Variants in DAB1 observed in about 807,000 individuals in gnomAD.
DAB1 encodes the protein DAB adaptor protein 1, also known as disabled homolog 1.
Under a neutral mutation model 64.6 loss-of-function variants are expected in DAB1, and 15 were observed. That is an observed-to-expected ratio of 0.23 (90% CI 0.16 to 0.36). DAB1 has a LOEUF of 0.36. Among genes scored for constraint, DAB1 ranks in the 10% least tolerant of loss-of-function variants. DAB1 has a pLI of 1.00. For synonymous variants in DAB1, 235 were observed against 251.9 expected, an observed-to-expected ratio of 0.93 and a Z score of 0.64; for missense variants, 596 against 706.7, an observed-to-expected ratio of 0.84 and a Z score of 1.78.
chr1:57,083,519 A>G (rs1394814953), intron 4 of DAB1, among the ~76,000 whole-genome samples: 3 of 152,236 alleles, frequency 2.0e-5, no homozygotes, highest in Admixed American at 2.0e-4. Flanking sequence ...ATGTTTTGCC[A>G]CAAGTCACTG....
rs941420687 is a variant in DAB1 at position 56,995,859 on chromosome 1, C to T, written c.*2285G>A. On this transcript the variant is annotated 3_prime_UTR_variant, in exon 15 of 15. Coordinates refer to ENST00000371236, the MANE Select transcript of DAB1 (RefSeq NM_001365792.1). ...GGTCATTCCACCTTTCCCATCTTCC[C>T]GTTCATGTGAAAGGGTTACCTAATC... The T allele has an allele frequency of 2.0e-5, 3 of 152,176 alleles. No individual in the cohort carries two copies. Among genetic ancestry groups the T allele is most frequent in the Non-Finnish European group, 4.4e-5 (3 of 68,030 alleles). 9.4% of individuals were successfully genotyped at this position (152,176 alleles called of 1,614,324 possible). A position where few individuals can be genotyped will look rare whatever the true frequency, so the allele number is the denominator to read the frequency against.
At chr1:58,018,238 T>A (rs942219779) in intron 5 of DAB1, among the ~76,000 whole-genome samples, 4 of 152,072 alleles carry the variant, frequency 2.6e-5, no homozygotes, top group Non-Finnish European at 4.4e-5. Flanking sequence ...TTCCCTACTA[T>A]CTCCTTCTTC....
chr1:57,777,359 G>A (rs191853720), intron 6 of DAB1, among the ~76,000 whole-genome samples: 184 of 146,994 alleles, frequency 1.3e-3, no homozygotes, highest in African/African-American at 4.4e-3. Flanking sequence ...GTCAAATTTG[G>A]AATGTTGTCA....
At chr1:58,138,111 T>A (rs1243496370) in intron 5 of DAB1, among the ~76,000 whole-genome samples, 3 of 152,236 alleles carry the variant, frequency 2.0e-5, no homozygotes. Context: ...CACTCACAAG[T>A]ATTTGTTGAG....
At chr1:58,450,554 A>C (rs11207231) in intron 3 of DAB1, among the ~76,000 whole-genome samples, 2,473 of 152,264 alleles carry the variant, frequency 0.016, 70 homozygotes, top group African/African-American at 0.056. Flanking sequence ...GGTGATCGAG[A>C]CCATCCTGGC....
intron 6 of DAB1, among the ~76,000 whole-genome samples, chr1:57,747,782 C>T (rs1457199966): frequency 7.9e-6 from 1 of 126,156 alleles, no homozygotes; most frequent in African/African-American, 3.2e-5. Context: ...GCACTCCAGC[C>T]TGGGCGACAG....
At chr1:57,011,064 T>C in intron 13 of DAB1, 81 bp downstream of exon 13, 1 of 1,552,238 alleles carries the variant, frequency 6.4e-7, no homozygotes, top group African/African-American at 1.4e-5. Flanking sequence ...CTATGTAGGC[T>C]TCCTCATGCA....
At chr1:57,457,431 C>G (rs1368375138) in intron 7 of DAB1, among the ~76,000 whole-genome samples, 1 of 152,058 alleles carries the variant, frequency 6.6e-6, no homozygotes, top group East Asian at 1.9e-4. Context: ...CAAACAGAAT[C>G]AATGTGGGGA....
intron 3 of DAB1, among the ~76,000 whole-genome samples, chr1:58,351,832 G>A (rs907116688): frequency 2.0e-5 from 3 of 147,300 alleles, no homozygotes; most frequent in African/African-American, 7.6e-5. Flanking sequence ...GGAGGCAGCT[G>A]TTGAGACCCT....
chr1:58,225,879 G>A (rs1339438029), intron 4 of DAB1, among the ~76,000 whole-genome samples: 1 of 150,456 alleles, frequency 6.6e-6, no homozygotes, highest in Admixed American at 6.7e-5. Flanking sequence ...GTTAATGGGT[G>A]CAGCACACCA....
intron 5 of DAB1, among the ~76,000 whole-genome samples, chr1:57,938,467 TAGTG>T (rs1395686666): frequency 1.3e-5 from 2 of 152,126 alleles, no homozygotes; most frequent in African/African-American, 4.8e-5. Flanking sequence ...GTTCTCGTGA[TAGTG>T]AGTGAGTTCT....
chr1:58,000,251 G>A (rs1342226537), intron 5 of DAB1, among the ~76,000 whole-genome samples: 2 of 152,190 alleles, frequency 1.3e-5, no homozygotes, highest in African/African-American at 2.4e-5. Flanking sequence ...GATGTGAAAT[G>A]TACTTACAAA....
rs560550337 is a variant in DAB1, at chr1:57,286,266, A to C, written c.67+4698T>G. Among the ~76,000 whole-genome samples the C allele has an allele frequency of 2.4e-4, 37 of 152,240 alleles. 1 individual carries two copies. In the South Asian group the frequency reaches 7.5e-3, roughly 31 times the overall value. On this transcript the variant is annotated intron_variant, in intron 2 of 14. Coordinates refer to ENST00000371236, the MANE Select transcript of DAB1 (RefSeq NM_001365792.1). Reference sequence around the variant, plus strand: ...AGGAACTCTAAAGGGCCTTTATGCCACTCTTTCTCACAATAGATGACCCAA... The same window carrying C: ...AGGAACTCTAAAGGGCCTTTATGCCCCTCTTTCTCACAATAGATGACCCAA...
At chr1:58,354,171 G>C (rs1261364978) in intron 3 of DAB1, among the ~76,000 whole-genome samples, 1 of 152,132 alleles carries the variant, frequency 6.6e-6, no homozygotes, top group Non-Finnish European at 1.5e-5. Flanking sequence ...TAAACTGATG[G>C]AGGGGTGCAG....
intron 7 of DAB1, among the ~76,000 whole-genome samples, chr1:57,540,122 T>G (rs1401994336): frequency 1.2e-4 from 18 of 152,210 alleles, no homozygotes. Context: ...AAAATTGTGG[T>G]ATTACTTCCA....
chr1:57,180,611 G>A (rs1662813891), intron 2 of DAB1, among the ~76,000 whole-genome samples: 1 of 151,954 alleles, frequency 6.6e-6, no homozygotes, highest in Non-Finnish European at 1.5e-5. Flanking sequence ...AGATAACAAT[G>A]ACAAAATATG....
intron 2 of DAB1, among the ~76,000 whole-genome samples, chr1:57,188,090 G>A (rs1196383103): frequency 6.6e-6 from 1 of 152,208 alleles, no homozygotes; most frequent in African/African-American, 2.4e-5. Flanking sequence ...GTGAGTTAAT[G>A]TGGCAGGCAT....
chr1:58,261,702 A>G (rs12089100), intron 4 of DAB1, among the ~76,000 whole-genome samples: 18,155 of 151,686 alleles, frequency 0.12, 1,899 homozygotes, highest in African/African-American at 0.28. Context: ...TTTGAGATCA[A>G]TTTGTTTTTT....
In DAB1 at chr1:57,389,140, G is replaced by A. The variant is rs567054073; in HGVS notation, c.-137+34790C>T. Among the ~76,000 whole-genome samples, 4 of 152,236 alleles carry A rather than the reference G, an allele frequency of 2.6e-5. 1 individual carries two copies. In the South Asian group the frequency reaches 8.3e-4, roughly 32 times the overall value. On this transcript the variant is annotated intron_variant, in intron 1 of 14. Transcript: ENST00000371236. ...AACACAGCCTCTATTTACCATTCTT[G>A]TTGTCATTATCTTGGCTCTGGTTCT...
Sources: allele counts gnomAD v4.1 joint callset (sites outside exome capture counted in the v4.1 genomes callset), GRCh38; gene constraint gnomAD v4.1.1; transcripts MANE v1.5; gene names NCBI Gene and HGNC (gene_info 2026-07-23, HGNC 2026-07-21).